KCNU1: variants seen among roughly 807,000 people sequenced by gnomAD.
KCNU1 encodes potassium channel subfamily U member 1.
In KCNU1, 93 loss-of-function variants were observed where a neutral mutation model predicts 126.8. The ratio of observed to expected loss-of-function variants is 0.73; its 90% confidence interval spans 0.62 to 0.87. The LOEUF (loss-of-function observed/expected upper bound fraction) is 0.87, where lower values mean the gene tolerates loss of function less well. Ranked by LOEUF, KCNU1 falls within the 40% of genes least tolerant of loss-of-function variation. KCNU1 has a pLI of 0.00. For missense variants in KCNU1, 1,330 were observed against 1,367.1 expected (o/e 0.97, Z 0.43); for synonymous variants, 523 against 494.2 (o/e 1.06, Z -0.77).
Position 36,931,060 on chromosome 8 carries a change from A to G in KCNU1, c.2846A>G (p.Asp949Gly). The G allele has an allele frequency of 6.2e-7, 1 of 1,611,826 alleles. No individual in the cohort carries two copies. The highest frequency in any genetic ancestry group is 8.5e-7 in the Non-Finnish European group (1 of 1,178,802). ...AAGGATAAAGTCTATGGTGTGGCAG[A>G]TAGCTGCACGTCGCTCTTGTCTGGA... ...LDKDKVYGVADSCTSLLSGRN... is the reference protein window; with the variant it reads ...LDKDKVYGVAGSCTSLLSGRN... The change falls in exon 25 of 27, where the codon GAT becomes GGT. Residue 949 changes from aspartate to glycine, a missense_variant. Asp to Gly is a moderately conservative substitution (Grantham distance 94, BLOSUM62 -1). Around this residue, in one of 3 missense-constraint regions of KCNU1, gnomAD observed 1,054 missense variants for 1,053.9 expected, o/e 1.00. Transcript: ENST00000399881.
intron 18 of KCNU1, among the ~76,000 whole-genome samples, chr8:36,856,866 A>G (rs1167174113): frequency 2.0e-5 from 3 of 152,208 alleles, no homozygotes; most frequent in Non-Finnish European, 4.4e-5. Flanking sequence ...CTTATGGTTT[A>G]TCTTGTTCTC....
intron 18 of KCNU1, among the ~76,000 whole-genome samples, chr8:36,848,037 T>C (rs1232044622): frequency 2.0e-5 from 3 of 152,260 alleles, no homozygotes; most frequent in African/African-American, 7.2e-5. Flanking sequence ...TGATAGCTCA[T>C]TGTAGTTTTG....
At chr8:36,813,671 TA>T (rs67738751) in intron 7 of KCNU1, among the ~76,000 whole-genome samples, 248 of 150,078 alleles carry the variant, frequency 1.7e-3, no homozygotes, top group East Asian at 1.8e-3. Flanking sequence ...AAGGTTTTTT[TA>T]AAAAAAAAAT....
intron 22 of KCNU1, among the ~76,000 whole-genome samples, chr8:36,911,874 G>T (rs1490747361): frequency 6.6e-6 from 1 of 152,176 alleles, no homozygotes; most frequent in Non-Finnish European, 1.5e-5. Flanking sequence ...CAATTCCCAT[G>T]ACAGAATTGT....
At chr8:36,890,865 A>G (rs1427575093) in intron 19 of KCNU1, among the ~76,000 whole-genome samples, 1 of 150,976 alleles carries the variant, frequency 6.6e-6, no homozygotes, top group East Asian at 1.9e-4. Flanking sequence ...TATTATTAGT[A>G]TAGCCACTAC....
chr8:36,841,073 G>A, intron 16 of KCNU1, 70 bp downstream of exon 16: 2 of 983,866 alleles, frequency 2.0e-6, no homozygotes, highest in East Asian at 2.8e-5. Flanking sequence ...GATTCTTTGT[G>A]ATTAAGAATT....
chr8:36,824,464 A>G (rs2130505330), intron 10 of KCNU1, among the ~76,000 whole-genome samples: 1 of 152,180 alleles, frequency 6.6e-6, no homozygotes, highest in East Asian at 1.9e-4. Context: ...ATGTTATTAT[A>G]GGCATGTATA....
At chr8:36,849,077 A>C (rs1174512426) in intron 18 of KCNU1, among the ~76,000 whole-genome samples, 1 of 152,062 alleles carries the variant, frequency 6.6e-6, no homozygotes, top group Non-Finnish European at 1.5e-5. Context: ...CATTTTCCTC[A>C]CCTCAAAAAG....
chr8:36,811,560 T>C (rs1202379058), intron 7 of KCNU1, among the ~76,000 whole-genome samples: 1 of 152,108 alleles, frequency 6.6e-6, no homozygotes, highest in Non-Finnish European at 1.5e-5. Flanking sequence ...GAATCTGTAT[T>C]AATAGCTTAA....
At chr8:36,899,699 G>GCTGTCTTCT (rs1202109492) in intron 19 of KCNU1, among the ~76,000 whole-genome samples, 1 of 152,058 alleles carries the variant, frequency 6.6e-6, no homozygotes, top group East Asian at 1.9e-4. Flanking sequence ...TGGCCACCTA[G>GCTGTCTTCT]CTGTCTTCTC....
At chr8:36,824,378 G>A (rs1268753408) in intron 10 of KCNU1, among the ~76,000 whole-genome samples, 4 of 152,112 alleles carry the variant, frequency 2.6e-5, no homozygotes, top group African/African-American at 9.7e-5. Context: ...TTTTATTACA[G>A]CATATTGTTA....
Position 36,833,673 on chromosome 8 carries a change from GT to G in KCNU1, c.1212+19del, listed in dbSNP as rs1431413238. Reference sequence around the variant, plus strand: ...AGGCGAGTTGCGGTAAGATCTAGCTGTTTTTGTTCCTTGTAGTTTTCCTTAG... The same window carrying G: ...AGGCGAGTTGCGGTAAGATCTAGCTGTTTTGTTCCTTGTAGTTTTCCTTAG... On this transcript the variant is annotated intron_variant, in intron 11 of 26. Transcript: ENST00000399881. 1.3e-5 allele frequency: 19 copies of G among 1,506,112 alleles called. No individual in the cohort carries two copies. The highest frequency in any genetic ancestry group is 2.3e-5 in the East Asian group (1 of 44,146). The allele number at this position is 1,506,112 out of a possible 1,614,324, so 93.3% of individuals were successfully genotyped here. A position where few individuals can be genotyped will look rare whatever the true frequency, so the allele number is the denominator to read the frequency against.
chr8:36,846,291 C>T (rs1675758058), intron 18 of KCNU1, among the ~76,000 whole-genome samples: 2 of 152,164 alleles, frequency 1.3e-5, no homozygotes, highest in African/African-American at 2.4e-5. Context: ...TGGTTGGCCA[C>T]GAGGATGCTA....
chr8:36,895,263 G>A (rs555998287), intron 19 of KCNU1, among the ~76,000 whole-genome samples: 127 of 152,092 alleles, frequency 8.4e-4, no homozygotes, highest in African/African-American at 3.1e-3. Flanking sequence ...ATTTTTAGTA[G>A]AGATGGGGTT....
At chr8:36,840,894 C>T (rs370859376) in intron 15 of KCNU1, 38 bp from the exon 16 acceptor site, 51 of 1,432,074 alleles carry the variant, frequency 3.6e-5, no homozygotes, top group Non-Finnish European at 4.7e-5. Flanking sequence ...GTTCACTGAC[C>T]GCTTGCTCTC....
At chr8:36,827,533 T>C (rs1804370894) in intron 10 of KCNU1, among the ~76,000 whole-genome samples, 1 of 152,204 alleles carries the variant, frequency 6.6e-6, no homozygotes, top group African/African-American at 2.4e-5. Flanking sequence ...CTGATAACTC[T>C]TCATTGTCTG....
chr8:36,811,226 G>T (rs569585358), intron 7 of KCNU1, among the ~76,000 whole-genome samples: 2 of 152,200 alleles, frequency 1.3e-5, no homozygotes, highest in South Asian at 4.1e-4. Context: ...CACAATAAAT[G>T]GCACCAGAAA....
chr8:36,802,522 C>T (rs1803349379), intron 2 of KCNU1, among the ~76,000 whole-genome samples: 1 of 152,104 alleles, frequency 6.6e-6, no homozygotes, highest in Non-Finnish European at 1.5e-5. Flanking sequence ...TTCCATGTGC[C>T]AGACGTGAAT....
At chr8:36,891,882 A>C (rs1172422488) in intron 19 of KCNU1, among the ~76,000 whole-genome samples, 1 of 152,054 alleles carries the variant, frequency 6.6e-6, no homozygotes, top group Non-Finnish European at 1.5e-5. Flanking sequence ...TGCTGCTTTC[A>C]AGATTCCTCT....
Sources: allele counts gnomAD v4.1 joint callset (sites outside exome capture counted in the v4.1 genomes callset), GRCh38; gene constraint gnomAD v4.1.1; regional missense constraint gnomAD v4.1.1; transcripts MANE v1.5; gene names NCBI Gene and HGNC (gene_info 2026-07-23, HGNC 2026-07-21).